The following IGF2BP2 variants were observed in gnomAD, a reference collection of about 807,000 sequenced individuals.
IGF2BP2 encodes the protein insulin like growth factor 2 mRNA binding protein 2.
Under a neutral mutation model 75.8 loss-of-function variants are expected in IGF2BP2, and 17 were observed. That is an observed-to-expected ratio of 0.22 (90% CI 0.15 to 0.34). The LOEUF (loss-of-function observed/expected upper bound fraction) is 0.34. Ranked by LOEUF, IGF2BP2 falls within the 10% of genes least tolerant of loss-of-function variation. IGF2BP2 has a pLI of 1.00. For missense variants in IGF2BP2, 516 were observed against 772.4 expected (o/e 0.67, Z 3.93); for synonymous variants, 288 against 295.6 (o/e 0.97, Z 0.26).
At chr3:185,729,950 G>A (rs985550292) in intron 2 of IGF2BP2, among the ~76,000 whole-genome samples, 1 of 152,148 alleles carries the variant, frequency 6.6e-6, no homozygotes, top group East Asian at 1.9e-4. Flanking sequence ...ATCCATTCTC[G>A]CTAAGATTTT....
chr3:185,772,665 T>A (rs1285558811), intron 2 of IGF2BP2, among the ~76,000 whole-genome samples: 2 of 143,256 alleles, frequency 1.4e-5, no homozygotes. Context: ...CACTGCAAAC[T>A]CTGCCTCCCA....
chr3:185,788,636 T>C (rs902434584), intron 2 of IGF2BP2, among the ~76,000 whole-genome samples: 1 of 151,606 alleles, frequency 6.6e-6, no homozygotes, highest in African/African-American at 2.4e-5. Flanking sequence ...TGGGTTCCTG[T>C]GGAAAAACAA....
chr3:185,785,138 T>G (rs1460943288), intron 2 of IGF2BP2, among the ~76,000 whole-genome samples: 1 of 151,614 alleles, frequency 6.6e-6, no homozygotes, highest in Non-Finnish European at 1.5e-5. Context: ...CAGCCTCTAC[T>G]AAAAATACAA....
chr3:185,650,412 C>G (rs1378699202), intron 13 of IGF2BP2, among the ~76,000 whole-genome samples: 1 of 151,896 alleles, frequency 6.6e-6, no homozygotes, highest in African/African-American at 2.4e-5. Flanking sequence ...CGTGGTGGCT[C>G]ACACCTCTAA....
chr3:185,685,438 T>C (rs1446139571), intron 7 of IGF2BP2, among the ~76,000 whole-genome samples: 1 of 152,108 alleles, frequency 6.6e-6, no homozygotes, highest in African/African-American at 2.4e-5. Flanking sequence ...ATTTGGGGGA[T>C]TTCAAAAGCC....
intron 2 of IGF2BP2, chr3:185,724,331 G>A (rs6780808): frequency 0.41 from 61,968 of 152,060 alleles, 12,934 homozygotes; most frequent in South Asian, 0.48. Context: ...AGCTTTCTAG[G>A]ACTGCAACTA....
At chr3:185,651,027 G>T (rs575718774) in intron 13 of IGF2BP2, among the ~76,000 whole-genome samples, 6 of 152,312 alleles carry the variant, frequency 3.9e-5, no homozygotes, top group Middle Eastern at 6.8e-3. Context: ...TCCTGCCTCA[G>T]CCTCCCAAGT....
intron 2 of IGF2BP2, among the ~76,000 whole-genome samples, chr3:185,726,557 G>A (rs1727357092): frequency 6.6e-6 from 1 of 152,176 alleles, no homozygotes; most frequent in Non-Finnish European, 1.5e-5. Context: ...AAAGTGCTTT[G>A]AGTTCTCTGC....
chr3:185,759,872 T>G (rs969556105), intron 2 of IGF2BP2, among the ~76,000 whole-genome samples: 3 of 152,210 alleles, frequency 2.0e-5, no homozygotes, highest in Non-Finnish European at 4.4e-5. Context: ...GATTTTGAAC[T>G]TACACAAAAG....
chr3:185,738,984 G>T (rs1298109726), intron 2 of IGF2BP2, among the ~76,000 whole-genome samples: 1 of 151,914 alleles, frequency 6.6e-6, no homozygotes, highest in East Asian at 1.9e-4. Context: ...TACAAAAAAA[G>T]TCACAAAACC....
intron 1 of IGF2BP2, among the ~76,000 whole-genome samples, chr3:185,823,926 C>T (rs1261640764): frequency 6.6e-6 from 1 of 152,046 alleles, no homozygotes; most frequent in Non-Finnish European, 1.5e-5. Flanking sequence ...GCGGGCCCCC[C>T]GGTCGCCTCT....
chr3:185,646,765 T>C lies in IGF2BP2; in HGVS notation c.1707+260A>G, dbSNP rs912769754. On this transcript the variant is annotated intron_variant, in intron 15 of 15. Coordinates refer to ENST00000382199, the MANE Select transcript of IGF2BP2 (RefSeq NM_006548.6). The stretch of plus-strand genomic sequence containing the variant: ...ACACTGCAGGGGGCTTGGAACCACA[T>C]GGCTTTGCTTAAGCGCTTAACTCTT... The C allele has an allele frequency of 3.9e-5, 19 of 482,384 alleles. No individual in the cohort carries two copies. The Admixed American group carries it at 4.6e-4, about 12-fold the overall frequency. The allele number at this position is 482,384 out of a possible 1,614,324, so 29.9% of individuals were successfully genotyped here. A position where few individuals can be genotyped will look rare whatever the true frequency, so the allele number is the denominator to read the frequency against.
intron 2 of IGF2BP2, among the ~76,000 whole-genome samples, chr3:185,797,167 T>C (rs1737532612): frequency 6.6e-6 from 1 of 152,312 alleles, no homozygotes. Flanking sequence ...CAATCAATTA[T>C]TTCAACTACT....
At chr3:185,731,115 C>T (rs1013698301) in intron 2 of IGF2BP2, among the ~76,000 whole-genome samples, 4 of 152,044 alleles carry the variant, frequency 2.6e-5, no homozygotes, top group African/African-American at 9.7e-5. Flanking sequence ...ATATCAAAAG[C>T]TCTTTGGATT....
intron 10 of IGF2BP2, among the ~76,000 whole-genome samples, chr3:185,659,991 A>G (rs1269047494): frequency 6.6e-6 from 1 of 152,014 alleles, no homozygotes; most frequent in Non-Finnish European, 1.5e-5. Flanking sequence ...ACAGGGTTTC[A>G]CCATGTTGGT....
At chr3:185,665,293 G>GAGGAGA (rs1245452445) in intron 10 of IGF2BP2, among the ~76,000 whole-genome samples, 2 of 129,658 alleles carry the variant, frequency 1.5e-5, no homozygotes, top group Admixed American at 7.7e-5. Flanking sequence ...GAAGAAGAAG[G>GAGGAGA]AGGAGAAGGA....
Position 185,644,861 on chromosome 3 carries a change from TGA to T in IGF2BP2, c.*668_*669del, listed in dbSNP as rs1713250150. On this transcript the variant is annotated 3_prime_UTR_variant, in exon 16 of 16. Transcript: ENST00000382199. Reference sequence around the variant, plus strand: ...ATACACAGGTGATCCAGAACTGCCGTGAGTGTCCTTCCGACGAGATTTCCCTC... The same window carrying T: ...ATACACAGGTGATCCAGAACTGCCGTGTGTCCTTCCGACGAGATTTCCCTC... 1 of 152,604 alleles carries T rather than the reference TGA, an allele frequency of 6.6e-6. No individual in the cohort carries two copies. The highest frequency in any genetic ancestry group is 2.1e-4 in the South Asian group (1 of 4,828). The allele number at this position is 152,604 out of a possible 1,614,324, so 9.5% of individuals were successfully genotyped here. A position where few individuals can be genotyped will look rare whatever the true frequency, so the allele number is the denominator to read the frequency against.
In IGF2BP2 at chr3:185,644,924, C is replaced by T. The variant is rs999361265; in HGVS notation, c.*607G>A. ...TTGTGCGGGTGGCCTCAAAGCTCCTCTCTACACCGTGAGACCTCCCAAAGA... is the reference window on the plus strand; with the variant it reads ...TTGTGCGGGTGGCCTCAAAGCTCCTTTCTACACCGTGAGACCTCCCAAAGA... On this transcript the variant is annotated 3_prime_UTR_variant, in exon 16 of 16. Transcript: ENST00000382199. 1 of 152,376 alleles carries T rather than the reference C, an allele frequency of 6.6e-6. No individual in the cohort carries two copies. The highest frequency in any genetic ancestry group is 2.4e-5 in the African/African-American group (1 of 41,366). 9.4% of individuals were successfully genotyped at this position (152,376 alleles called of 1,614,324 possible).
chr3:185,661,647 A>C (rs968316510), intron 10 of IGF2BP2, among the ~76,000 whole-genome samples: 1 of 151,622 alleles, frequency 6.6e-6, no homozygotes, highest in Admixed American at 6.6e-5. Context: ...AAAAAAAAAA[A>C]AAAAAAAAAA....
Sources: gnomAD v4.1 joint callset for allele counts (sites outside exome capture counted in the v4.1 genomes callset) on GRCh38, gnomAD v4.1.1 for gene constraint, MANE v1.5 for transcripts, NCBI Gene and HGNC (gene_info 2026-07-23, HGNC 2026-07-21) for gene names.